Variants in KCNG3 observed in about 807,000 individuals in gnomAD.
KCNG3 encodes voltage-gated potassium channel regulatory subunit KCNG3.
A neutral mutation model predicts 29.0 loss-of-function variants in KCNG3; 15 were observed. The ratio of observed to expected loss-of-function variants is 0.52; its 90% CI spans 0.35 to 0.80. The LOEUF (loss-of-function observed/expected upper bound fraction) is 0.80. Among genes scored for constraint, KCNG3 ranks in the 30% least tolerant of loss-of-function variants. KCNG3 has a pLI of 0.01. For synonymous variants in KCNG3, 322 were observed against 248.9 expected (o/e 1.29, Z -2.76); for missense variants, 512 against 605.7 (o/e 0.85, Z 1.62).
At chr2:42,400,944 CTCAG>C in the KCNG3 span, among the ~76,000 whole-genome samples, 1 of 151,924 alleles carries the variant, frequency 6.6e-6, no homozygotes, top group Admixed American at 6.6e-5. Flanking sequence ...TCTCTCTTCT[CTCAG>C]TCTGTCGTCT....
At chr2:42,470,679 G>A (rs1222747324) in intron 1 of KCNG3, among the ~76,000 whole-genome samples, 2 of 151,936 alleles carry the variant, frequency 1.3e-5, no homozygotes, top group African/African-American at 4.8e-5. Context: ...GTTTGAAACT[G>A]GCCTGGGCAA....
chr2:42,483,251 TG>T (rs1673636321), intron 1 of KCNG3, among the ~76,000 whole-genome samples: 1 of 152,234 alleles, frequency 6.6e-6, no homozygotes, highest in Non-Finnish European at 1.5e-5. Context: ...CATATGATGA[TG>T]GTTATCATCA....
intron 1 of KCNG3, among the ~76,000 whole-genome samples, chr2:42,445,950 C>T (rs1047559007): frequency 3.3e-5 from 5 of 151,936 alleles, no homozygotes; most frequent in African/African-American, 2.4e-5. Context: ...TGGTCTCGAA[C>T]TCCTTACGTC....
intron 1 of KCNG3, among the ~76,000 whole-genome samples, chr2:42,456,137 T>C (rs954671200): frequency 6.6e-6 from 1 of 152,014 alleles, no homozygotes; most frequent in African/African-American, 2.4e-5. Flanking sequence ...CAGGGAAAAA[T>C]GAAATTTATT....
chr2:42,469,219 C>A (rs551275947), intron 1 of KCNG3, among the ~76,000 whole-genome samples: 20 of 151,858 alleles, frequency 1.3e-4, no homozygotes, highest in African/African-American at 4.8e-4. Context: ...AAGGTGGAGA[C>A]CAGCCTGGCC....
intron 1 of KCNG3, among the ~76,000 whole-genome samples, chr2:42,479,875 G>C (rs553330168): frequency 3.7e-4 from 57 of 152,242 alleles, no homozygotes; most frequent in Admixed American, 2.5e-3. Context: ...AGCCAGGCGT[G>C]TTGGTACATG....
At chr2:42,474,245 C>T (rs1225479604) in intron 1 of KCNG3, among the ~76,000 whole-genome samples, 4 of 150,468 alleles carry the variant, frequency 2.7e-5, no homozygotes, top group South Asian at 2.1e-4. Flanking sequence ...AAACACTGTT[C>T]GGCCAGGCAT....
In KCNG3 at chr2:42,493,703, C is replaced by A. The variant is rs1673986470; in HGVS notation, c.-202G>T. 1 of 379,652 alleles carries A rather than the reference C, an allele frequency of 2.6e-6. No individual in the cohort carries two copies. Among genetic ancestry groups the A allele is most frequent in the Non-Finnish European group, 4.5e-6 (1 of 221,102 alleles). 23.5% of individuals were successfully genotyped at this position (379,652 alleles called of 1,614,324 possible). A position where few individuals can be genotyped will look rare whatever the true frequency, so the allele number is the denominator to read the frequency against. On this transcript the variant is annotated 5_prime_UTR_variant, in exon 1 of 2. Coordinates refer to ENST00000306078, the MANE Select transcript of KCNG3 (RefSeq NM_133329.6). ...TCCGGCGCTGCTAGTAGCGCGCCCT[C>A]CGCCCGGCGGTACCTGCGGGTGGCC...
intron 1 of KCNG3, among the ~76,000 whole-genome samples, chr2:42,462,273 A>T (rs536070497): frequency 6.6e-6 from 1 of 152,364 alleles, no homozygotes; most frequent in Admixed American, 6.5e-5. Context: ...GTCCTGAATT[A>T]TCAGCTTCAT....
chr2:42,479,113 G>C (rs1673514503), intron 1 of KCNG3, among the ~76,000 whole-genome samples: 1 of 151,988 alleles, frequency 6.6e-6, no homozygotes, highest in African/African-American at 2.4e-5. Flanking sequence ...TTTCAGATTT[G>C]GGACGCTCAA....
At chr2:42,402,542 T>G in the KCNG3 span, among the ~76,000 whole-genome samples, 1 of 151,536 alleles carries the variant, frequency 6.6e-6, no homozygotes, top group Non-Finnish European at 1.5e-5. Context: ...TTTTAAAGTT[T>G]TGTTTTTTCA....
chr2:42,416,967 G>A, the KCNG3 span, among the ~76,000 whole-genome samples: 487 of 151,650 alleles, frequency 3.2e-3, no homozygotes, highest in Middle Eastern at 6.9e-3. Context: ...ACATAAATTC[G>A]TCCTGGCACG....
chr2:42,405,958 G>A, the KCNG3 span, among the ~76,000 whole-genome samples: 1 of 151,172 alleles, frequency 6.6e-6, no homozygotes, highest in African/African-American at 2.4e-5. Flanking sequence ...GGCCAGGCTG[G>A]TCTTGAACTC....
At chr2:42,447,418 C>T (rs997573175) in intron 1 of KCNG3, among the ~76,000 whole-genome samples, 10 of 151,668 alleles carry the variant, frequency 6.6e-5, no homozygotes, top group African/African-American at 2.2e-4. Context: ...ATAGAGAGCT[C>T]CCTCATTTCT....
chr2:42,478,243 G>T (rs1572861283), intron 1 of KCNG3, among the ~76,000 whole-genome samples: 3 of 152,082 alleles, frequency 2.0e-5, no homozygotes, highest in African/African-American at 4.8e-5. Context: ...TATTAAACTA[G>T]AATTTTTTTT....
At chr2:42,451,883 G>C (rs182727385) in intron 1 of KCNG3, among the ~76,000 whole-genome samples, 73 of 152,034 alleles carry the variant, frequency 4.8e-4, no homozygotes, top group African/African-American at 1.7e-3. Context: ...CTGGGCAACA[G>C]AGTGAGACCC....
At chr2:42,409,731 T>TAAAAAAAAAAAA in the KCNG3 span, among the ~76,000 whole-genome samples, 22 of 77,106 alleles carry the variant, frequency 2.9e-4, 1 homozygote, top group African/African-American at 9.2e-4. Context: ...AAAAAAAAAT[T>TAAAAAAAAAAAA]TTTTTTTAAA....
chr2:42,433,962 A>G, the KCNG3 span, among the ~76,000 whole-genome samples: 1 of 152,214 alleles, frequency 6.6e-6, no homozygotes, highest in Non-Finnish European at 1.5e-5. Flanking sequence ...GTACACTGAA[A>G]ACTATAAAAC....
chr2:42,433,913 T>C, the KCNG3 span, among the ~76,000 whole-genome samples: 1 of 152,188 alleles, frequency 6.6e-6, no homozygotes, highest in Admixed American at 6.6e-5. Context: ...AAAAATAAAC[T>C]ACTTTGGGAA....
Sources: gnomAD v4.1 joint callset for allele counts (sites outside exome capture counted in the v4.1 genomes callset) on GRCh38, gnomAD v4.1.1 for gene constraint, MANE v1.5 for transcripts, NCBI Gene and HGNC (gene_info 2026-07-23, HGNC 2026-07-21) for gene names.